Variants in ROBO2 observed in about 807,000 individuals in gnomAD.
ROBO2 encodes the protein roundabout homolog 2.
In ROBO2, 53 loss-of-function variants were observed where a neutral mutation model predicts 160.8. The ratio of observed to expected loss-of-function variants is 0.33; its 90% CI spans 0.26 to 0.41. The LOEUF is 0.41. ROBO2 is among the 10% of genes least tolerant of loss of function. The pLI is 1.00. For missense variants in ROBO2, 1,577 were observed against 1,722.4 expected (o/e 0.92, Z 1.49); for synonymous variants, 664 against 611.7 (o/e 1.09, Z -1.26).
At chr3:76,230,426 T>A (rs553129271) in intron 2 of ROBO2, among the ~76,000 whole-genome samples, 1 of 152,182 alleles carries the variant, frequency 6.6e-6, no homozygotes, top group African/African-American at 2.4e-5. Flanking sequence ...TAACAACTGC[T>A]TCAGTCTTGT....
intron 2 of ROBO2, among the ~76,000 whole-genome samples, chr3:76,533,690 TA>T (rs1468588901): frequency 6.6e-6 from 1 of 151,810 alleles, no homozygotes; most frequent in Non-Finnish European, 1.5e-5. Context: ...CAAAGGGAGA[TA>T]GGGGAGGGGC....
chr3:77,378,146 C>T lies in ROBO2; in HGVS notation c.389-99268C>T, dbSNP rs10865560. On this transcript the variant is annotated intron_variant, in intron 2 of 25. Transcript: ENST00000461745. Reference sequence around the variant, plus strand: ...AAAAGGTAGTATAGATAAGACTTGTCCCTTTTTATTTGAAGTTAGAATGAA... The same window carrying T: ...AAAAGGTAGTATAGATAAGACTTGTTCCTTTTTATTTGAAGTTAGAATGAA... Among the ~76,000 whole-genome samples, 49 of 152,034 alleles carry T rather than the reference C, an allele frequency of 3.2e-4. 2 individuals are homozygous for T. The East Asian group carries it at 5.4e-3, about 17-fold the overall frequency.
chr3:76,018,274 G>C (rs2066461890), intron 2 of ROBO2, among the ~76,000 whole-genome samples: 1 of 151,676 alleles, frequency 6.6e-6, no homozygotes, highest in African/African-American at 2.4e-5. Context: ...TGTGTAAATA[G>C]AAAAATAGAA....
chr3:76,658,180 A>G (rs989155983), intron 2 of ROBO2, among the ~76,000 whole-genome samples: 2 of 151,602 alleles, frequency 1.3e-5, no homozygotes, highest in Non-Finnish European at 2.9e-5. Flanking sequence ...TTAAAAGTGC[A>G]CATTTTCTGT....
intron 2 of ROBO2, among the ~76,000 whole-genome samples, chr3:77,382,046 G>A (rs1041761104): frequency 4.6e-5 from 7 of 152,084 alleles, no homozygotes; most frequent in African/African-American, 1.4e-4. Context: ...GATGTTTGCA[G>A]AGAACCTAAA....
chr3:77,212,599 C>T (rs2084332423), intron 2 of ROBO2, among the ~76,000 whole-genome samples: 1 of 152,154 alleles, frequency 6.6e-6, no homozygotes, highest in African/African-American at 2.4e-5. Context: ...CTGGCCAGAA[C>T]TTCCAACACT....
At position 76,223,039 on chromosome 3, in the gene ROBO2, G is replaced by A. The variant is rs930715821; in HGVS notation, c.109+285437G>A. Among the ~76,000 whole-genome samples the A allele has an allele frequency of 5.9e-5, 9 of 151,650 alleles. 1 individual carries two copies. Among genetic ancestry groups the A allele is most frequent in the South Asian group, 4.2e-4 (2 of 4,802 alleles). On this transcript the variant is annotated intron_variant, in intron 2 of 26. Transcript: ENST00000487694. ...CAAAGTGCTGGTATTTCAGGCATGC[G>A]CCACCGCACGCAGCCCTTATCCCAC...
At chr3:76,985,511 G>A (rs60398440) in intron 2 of ROBO2, among the ~76,000 whole-genome samples, 17,255 of 144,924 alleles carry the variant, frequency 0.12, 2,110 homozygotes, top group African/African-American at 0.32. Flanking sequence ...GAACCCAGGA[G>A]GCGGAGCTTG....
At chr3:76,611,079 G>A (rs756864131) in intron 2 of ROBO2, among the ~76,000 whole-genome samples, 6 of 152,260 alleles carry the variant, frequency 3.9e-5, no homozygotes, top group East Asian at 1.9e-4. Flanking sequence ...ATGGGTGGGC[G>A]TGGAAAAACC....
intron 2 of ROBO2, among the ~76,000 whole-genome samples, chr3:76,899,303 G>A (rs550558612): frequency 9.9e-5 from 15 of 152,014 alleles, no homozygotes; most frequent in Admixed American, 1.3e-4. Context: ...AATCCACTTC[G>A]TATGTCAAAA....
intron 2 of ROBO2, among the ~76,000 whole-genome samples, chr3:76,095,264 C>A (rs1003960940): frequency 1.3e-4 from 20 of 151,656 alleles, no homozygotes; most frequent in African/African-American, 4.6e-4. Context: ...AGAAAAAAAA[C>A]CTGAAAGCTA....
chr3:76,031,703 G>T (rs1053520626), intron 2 of ROBO2, among the ~76,000 whole-genome samples: 1 of 152,052 alleles, frequency 6.6e-6, no homozygotes, highest in Non-Finnish European at 1.5e-5. Flanking sequence ...TTGCATCCCA[G>T]GGATGAAGCC....
At chr3:77,615,417 G>T (rs1039510960) in intron 21 of ROBO2, among the ~76,000 whole-genome samples, 4 of 152,144 alleles carry the variant, frequency 2.6e-5, no homozygotes, top group African/African-American at 9.7e-5. Context: ...TTGGACAAAT[G>T]TAATACATGT....
At chr3:76,673,019 G>A (rs1029975646) in intron 2 of ROBO2, among the ~76,000 whole-genome samples, 6 of 151,958 alleles carry the variant, frequency 3.9e-5, no homozygotes, top group African/African-American at 9.7e-5. Context: ...TGACAGAAAT[G>A]ATAGTAAAAG....
intron 2 of ROBO2, among the ~76,000 whole-genome samples, chr3:76,238,995 C>T (rs1173377559): frequency 6.6e-6 from 1 of 152,162 alleles, no homozygotes; most frequent in East Asian, 1.9e-4. Context: ...GGTCCAAGGA[C>T]CAGCAGCATT....
intron 2 of ROBO2, among the ~76,000 whole-genome samples, chr3:76,841,485 G>T (rs1027071080): frequency 5.9e-4 from 90 of 152,266 alleles, no homozygotes; most frequent in African/African-American, 2.1e-3. Flanking sequence ...TTGGATGAGG[G>T]CTGGTACATT....
chr3:76,005,471 A>T (rs2065994651), intron 2 of ROBO2, among the ~76,000 whole-genome samples: 1 of 152,190 alleles, frequency 6.6e-6, no homozygotes, highest in South Asian at 2.1e-4. Flanking sequence ...GGCTTAAGGT[A>T]TGGGCAGCCA....
intron 2 of ROBO2, among the ~76,000 whole-genome samples, chr3:77,409,852 C>T (rs74644829): frequency 0.015 from 2,299 of 152,194 alleles, 62 homozygotes; most frequent in African/African-American, 0.052. Context: ...TAATATGTAA[C>T]GTACACACAT....
At chr3:76,217,509 C>T (rs1703632409) in intron 2 of ROBO2, among the ~76,000 whole-genome samples, 1 of 152,120 alleles carries the variant, frequency 6.6e-6, no homozygotes, top group African/African-American at 2.4e-5. Flanking sequence ...GAAATACAAA[C>T]TACCGTCAGA....
Sources: allele counts gnomAD v4.1 joint callset (sites outside exome capture counted in the v4.1 genomes callset), GRCh38; gene constraint gnomAD v4.1.1; transcripts MANE v1.5; gene names NCBI Gene and HGNC (gene_info 2026-07-23, HGNC 2026-07-21).